The following AFF3 variants were observed in gnomAD, a reference collection of about 807,000 sequenced individuals.
AFF3 encodes AF4/FMR2 family member 3.
AFF3 carries 32 observed loss-of-function variants against 129.7 expected under a neutral mutation model. The observed-to-expected ratio is 0.25, with a 90% CI of 0.19 to 0.33. The LOEUF (loss-of-function observed/expected upper bound fraction) is 0.33, where lower values mean the gene tolerates loss of function less well. AFF3 is among the 10% of genes least tolerant of loss of function. The pLI, the probability that AFF3 is intolerant of heterozygous loss-of-function variation, is 1.00. For synonymous variants in AFF3, 644 were observed against 635.4 expected (o/e 1.01, Z -0.20); for missense variants, 1,373 against 1,592.0 (o/e 0.86, Z 2.34).
At chr2:99,827,169 GA>G (rs1688154384) in intron 8 of AFF3, among the ~76,000 whole-genome samples, 1 of 152,172 alleles carries the variant, frequency 6.6e-6, no homozygotes, top group African/African-American at 2.4e-5. Flanking sequence ...AGAAGTTCAG[GA>G]AACAGAGCTG....
chr2:99,775,959 TAG>T (rs1683872133), intron 8 of AFF3, among the ~76,000 whole-genome samples: 2 of 152,236 alleles, frequency 1.3e-5, no homozygotes, highest in African/African-American at 2.4e-5. Flanking sequence ...GGTAGAACAC[TAG>T]TTTAGTTCTG....
intron 4 of AFF3, among the ~76,000 whole-genome samples, chr2:100,017,854 T>C (rs1683260852): frequency 6.6e-6 from 1 of 152,172 alleles, no homozygotes; most frequent in African/African-American, 2.4e-5. Context: ...ATTCTTAGAC[T>C]CTGCTCCACT....
At chr2:99,825,977 T>C (rs1688049190) in intron 8 of AFF3, among the ~76,000 whole-genome samples, 1 of 152,166 alleles carries the variant, frequency 6.6e-6, no homozygotes, top group Non-Finnish European at 1.5e-5. Context: ...GTCAAAATCA[T>C]TCATTCATTA....
At chr2:99,704,412 G>A (rs1398527165) in intron 11 of AFF3, among the ~76,000 whole-genome samples, 1 of 152,096 alleles carries the variant, frequency 6.6e-6, no homozygotes, top group African/African-American at 2.4e-5. Flanking sequence ...CACTACCCAC[G>A]TGGCACTCTG....
intron 8 of AFF3, among the ~76,000 whole-genome samples, chr2:99,778,572 G>C (rs922029036): frequency 1.3e-5 from 2 of 152,000 alleles, no homozygotes; most frequent in African/African-American, 4.8e-5. Flanking sequence ...CTATGTCATC[G>C]GTCTGCCAAT....
At chr2:99,667,998 A>T (rs1448132092) in intron 12 of AFF3, among the ~76,000 whole-genome samples, 2 of 151,898 alleles carry the variant, frequency 1.3e-5, no homozygotes, top group Admixed American at 6.6e-5. Context: ...CTACTAAAAA[A>T]ATATAAAAAA....
chr2:99,683,093 C>G (rs942627527), intron 11 of AFF3, among the ~76,000 whole-genome samples: 15 of 152,146 alleles, frequency 9.9e-5, no homozygotes, highest in African/African-American at 3.6e-4. Context: ...CTTGAAATAC[C>G]TAGAGTGGTT....
intron 1 of AFF3, among the ~76,000 whole-genome samples, chr2:100,133,098 A>G (rs1692491628): frequency 2.0e-5 from 3 of 151,252 alleles, no homozygotes; most frequent in Admixed American, 6.6e-5. Context: ...TGGCTCTCAT[A>G]TTTTAAAAGA....
At position 99,598,339 on chromosome 2, in the gene AFF3, A is replaced by G. The variant is rs78206497; in HGVS notation, c.1371+3096T>C. 5.1e-3 allele frequency among the ~76,000 whole-genome samples: 775 copies of G among 152,308 alleles called. 9 individuals carry two copies. Among genetic ancestry groups the G allele is most frequent in the African/African-American group, 0.017 (691 of 41,558 alleles). On this transcript the variant is annotated intron_variant, in intron 14 of 24. Coordinates refer to ENST00000672756, the MANE Select transcript of AFF3 (RefSeq NM_001386135.1). ...TGAGTGCAAAAGCAACTTCTCCTGC[A>G]AAGCTCTGGTATAAGAGGCTGTACA...
intron 5 of AFF3, among the ~76,000 whole-genome samples, chr2:100,008,364 A>C (rs1682175513): frequency 6.6e-6 from 1 of 152,210 alleles, no homozygotes; most frequent in Non-Finnish European, 1.5e-5. Context: ...TTTGGTAAAA[A>C]TGAGAAATAA....
intron 7 of AFF3, among the ~76,000 whole-genome samples, chr2:99,876,680 C>T (rs924679661): frequency 1.3e-5 from 2 of 152,106 alleles, no homozygotes; most frequent in Non-Finnish European, 2.9e-5. Flanking sequence ...AGAATAAAAA[C>T]AAAAATTCTT....
chr2:100,100,627 T>G (rs542018621), intron 4 of AFF3, among the ~76,000 whole-genome samples: 230 of 152,334 alleles, frequency 1.5e-3, no homozygotes, highest in African/African-American at 5.3e-3. Flanking sequence ...TGTCTTAATT[T>G]CCTCACTTGA....
At chr2:99,861,681 T>A (rs1485739583) in intron 7 of AFF3, among the ~76,000 whole-genome samples, 1 of 152,208 alleles carries the variant, frequency 6.6e-6, no homozygotes, top group African/African-American at 2.4e-5. Flanking sequence ...AGAATGGACA[T>A]AATTAATGTA....
intron 12 of AFF3, among the ~76,000 whole-genome samples, chr2:99,657,667 C>T (rs1685871570): frequency 6.6e-6 from 1 of 152,204 alleles, no homozygotes; most frequent in Non-Finnish European, 1.5e-5. Context: ...TACTTGGACA[C>T]ATTTTCCTCT....
chr2:99,572,683 T>C (rs1676615601), intron 18 of AFF3: 1 of 455,848 alleles, frequency 2.2e-6, no homozygotes, highest in Non-Finnish European at 4.4e-6. Context: ...CAGCTTGTCA[T>C]CTGATAAGCC....
intron 11 of AFF3, among the ~76,000 whole-genome samples, chr2:99,711,047 C>T (rs1416625749): frequency 6.6e-6 from 1 of 152,132 alleles, no homozygotes; most frequent in African/African-American, 2.4e-5. Flanking sequence ...GCCAGGCTTC[C>T]TCCTGTCGCT....
intron 8 of AFF3, among the ~76,000 whole-genome samples, chr2:99,826,482 T>C (rs1688088986): frequency 6.6e-6 from 1 of 152,180 alleles, no homozygotes; most frequent in Non-Finnish European, 1.5e-5. Flanking sequence ...TAACTCAGAC[T>C]TTGGGAATCA....
intron 13 of AFF3, among the ~76,000 whole-genome samples, chr2:99,607,246 C>G (rs1227047406): frequency 6.6e-6 from 1 of 152,042 alleles, no homozygotes; most frequent in African/African-American, 2.4e-5. Context: ...AAGAAAAGAT[C>G]TGGAGGCTGG....
intron 2 of AFF3, among the ~76,000 whole-genome samples, chr2:100,126,584 G>T (rs992476469): frequency 6.6e-6 from 1 of 152,118 alleles, no homozygotes; most frequent in African/African-American, 2.4e-5. Context: ...GCTTTCTAAG[G>T]CACTTAACTT....
Sources: gnomAD v4.1 joint callset for allele counts (sites outside exome capture counted in the v4.1 genomes callset) on GRCh38, gnomAD v4.1.1 for gene constraint, MANE v1.5 for transcripts, NCBI Gene and HGNC (gene_info 2026-07-23, HGNC 2026-07-21) for gene names.